FGD3: variants seen among roughly 807,000 people sequenced by gnomAD.
FGD3 encodes FYVE, RhoGEF and PH domain containing 3.
Under a neutral mutation model 71.8 loss-of-function variants are expected in FGD3, and 45 were observed. The ratio of observed to expected loss-of-function variants is 0.63; its 90% CI spans 0.49 to 0.80. The LOEUF is 0.80. FGD3 is among the 30% of genes least tolerant of loss of function. The pLI is 0.00. For synonymous variants in FGD3, 378 were observed against 392.8 expected (o/e 0.96, Z 0.44); for missense variants, 844 against 951.5 (o/e 0.89, Z 1.49).
rs1439602256 is a variant in FGD3 at position 92,958,749 on chromosome 9, A to T, written c.-218+11020A>T. Among the ~76,000 whole-genome samples the T allele has an allele frequency of 2.0e-5, 3 of 152,338 alleles. No homozygotes were observed. The East Asian group carries it at 5.8e-4, about 29-fold the overall frequency. Reference sequence around the variant, plus strand: ...CTAGCTATTTTCTGTGTATAGTGTGAGTAAGCAGTCAAGGTTTGTATTTTG... The same window carrying T: ...CTAGCTATTTTCTGTGTATAGTGTGTGTAAGCAGTCAAGGTTTGTATTTTG... On this transcript the variant is annotated intron_variant, in intron 1 of 17. Coordinates refer to ENST00000375482, the MANE Select transcript of FGD3 (RefSeq NM_001083536.2).
chr9:93,004,613 A>T (rs1173945196), intron 5 of FGD3, among the ~76,000 whole-genome samples: 2 of 152,172 alleles, frequency 1.3e-5, no homozygotes, highest in Non-Finnish European at 2.9e-5. Flanking sequence ...AGCTCAGTGC[A>T]AGTCACAATT....
At chr9:92,993,696 A>G (rs12340110) in intron 3 of FGD3, among the ~76,000 whole-genome samples, 2,410 of 152,146 alleles carry the variant, frequency 0.016, 65 homozygotes, top group African/African-American at 0.055. Flanking sequence ...ATTCCCATCT[A>G]TGAGTGAGAA....
intron 3 of FGD3, among the ~76,000 whole-genome samples, chr9:92,997,604 G>T (rs1860697142): frequency 6.6e-6 from 1 of 152,142 alleles, no homozygotes; most frequent in South Asian, 2.1e-4. Flanking sequence ...TTTTGCAGTG[G>T]CTGGTACCGG....
chr9:92,971,947 C>T (rs1859552222), intron 1 of FGD3, among the ~76,000 whole-genome samples: 1 of 138,972 alleles, frequency 7.2e-6, no homozygotes, highest in South Asian at 2.4e-4. Context: ...GCCCCCTCCA[C>T]CCATCCACCC....
chr9:92,990,267 G>C (rs1050774311), intron 3 of FGD3, among the ~76,000 whole-genome samples: 1 of 152,058 alleles, frequency 6.6e-6, no homozygotes, highest in African/African-American at 2.4e-5. Context: ...GTGAGACCTT[G>C]TCTATACAAA....
chr9:93,021,844 G>A (rs1453710005), intron 13 of FGD3, among the ~76,000 whole-genome samples: 2 of 152,220 alleles, frequency 1.3e-5, no homozygotes, highest in African/African-American at 4.8e-5. Flanking sequence ...TCCTGGGACT[G>A]CCTTGAGTGG....
At chr9:92,966,277 C>T (rs1859321829) in intron 1 of FGD3, among the ~76,000 whole-genome samples, 1 of 152,144 alleles carries the variant, frequency 6.6e-6, no homozygotes, top group Non-Finnish European at 1.5e-5. Flanking sequence ...GGGGCAGCCA[C>T]ATCTGGGTCT....
chr9:93,015,329 G>A (rs922028627), intron 9 of FGD3, among the ~76,000 whole-genome samples: 3 of 152,032 alleles, frequency 2.0e-5, no homozygotes, highest in African/African-American at 4.8e-5. Context: ...GGTAGCACCC[G>A]CCTGTAATTC....
chr9:93,034,993 C>A (rs1369645442), intron 17 of FGD3, among the ~76,000 whole-genome samples: 1 of 152,172 alleles, frequency 6.6e-6, no homozygotes, highest in East Asian at 1.9e-4. Flanking sequence ...TGGCCCGGCC[C>A]CTTGGAGCCC....
chr9:92,982,259 T>C (rs888403782), intron 3 of FGD3, among the ~76,000 whole-genome samples: 28 of 152,266 alleles, frequency 1.8e-4, no homozygotes, highest in African/African-American at 6.5e-4. Context: ...GTTCCTGGCT[T>C]ATTTTGCTTA....
At chr9:92,964,812 C>T (rs1004663767) in intron 1 of FGD3, among the ~76,000 whole-genome samples, 2 of 152,162 alleles carry the variant, frequency 1.3e-5, no homozygotes, top group Admixed American at 1.3e-4. Context: ...CTCATGTCAC[C>T]CAGGCCTGGG....
In FGD3 at chr9:92,981,482, C is replaced by G. The variant is rs1386219665; in HGVS notation, c.453+4773C>G. On this transcript the variant is annotated intron_variant, in intron 3 of 17. Coordinates refer to ENST00000375482, the MANE Select transcript of FGD3 (RefSeq NM_001083536.2). ...ATATGGTCTATCCTGGAGAATGTTT[C>G]ATGTACACTTGAGAAGAACATATAT... Among the ~76,000 whole-genome samples the G allele has an allele frequency of 2.0e-5, 3 of 151,882 alleles. No individual in the cohort carries two copies. In the East Asian group the frequency reaches 5.8e-4, roughly 29 times the overall value.
chr9:93,006,302 T>G, intron 6 of FGD3, 122 bp downstream of exon 6: 1 of 1,132,354 alleles, frequency 8.8e-7, no homozygotes, highest in Non-Finnish European at 1.1e-6. Flanking sequence ...ATGACATTAC[T>G]AAAATTTTGG....
At chr9:92,983,604 A>G (rs1860080354) in intron 3 of FGD3, among the ~76,000 whole-genome samples, 2 of 152,220 alleles carry the variant, frequency 1.3e-5, no homozygotes, top group Admixed American at 1.3e-4. Flanking sequence ...GAAGTTTTGC[A>G]TAATTTTGGA....
chr9:93,011,229 T>C lies in FGD3; in HGVS notation c.992T>C (p.Ile331Thr), dbSNP rs1244243465. 1.1e-5 allele frequency: 17 copies of C among 1,614,020 alleles called. No homozygotes were observed. The highest frequency in any genetic ancestry group is 5.3e-5 in the African/African-American group (4 of 74,928). Residue 331 changes from isoleucine to threonine, a missense_variant, in exon 8 of 18, where the codon ATC becomes ACC. Physicochemically the swap from Ile to Thr is moderately conservative, Grantham distance 89 (BLOSUM62 -1). Transcript: ENST00000375482. Reference sequence around the variant, plus strand: ...CTTCCTGCAGGGTCCTTGGAGCTCATCTCCACAGCCGCCAACCACTCCAAT... The same window carrying C: ...CTTCCTGCAGGGTCCTTGGAGCTCACCTCCACAGCCGCCAACCACTCCAAT... ...RKDAERSLEL[I>T]STAANHSNAA... is the part of the protein sequence containing the mutation.
Position 93,010,796 on chromosome 9 carries a change from C to A in FGD3, c.976+412C>A, listed in dbSNP as rs1037532062. On this transcript the variant is annotated intron_variant, in intron 7 of 17. Coordinates refer to ENST00000375482, the MANE Select transcript of FGD3 (RefSeq NM_001083536.2). Reference sequence around the variant, plus strand: ...GGAAGGGACTTAGCATCTTTGAGGGCAGAGAAAAATCTCCCCTGCTTGAAG... The same window carrying A: ...GGAAGGGACTTAGCATCTTTGAGGGAAGAGAAAAATCTCCCCTGCTTGAAG... Among the ~76,000 whole-genome samples the A allele has an allele frequency of 1.2e-4, 18 of 151,984 alleles. 1 individual carries two copies. The highest frequency in any genetic ancestry group is 4.4e-4 in the African/African-American group (18 of 41,366).
chr9:92,970,792 C>T (rs572646670), intron 1 of FGD3, among the ~76,000 whole-genome samples: 10 of 152,218 alleles, frequency 6.6e-5, no homozygotes, highest in African/African-American at 2.2e-4. Context: ...TGCACATGTG[C>T]GTTTGTTTAT....
At chr9:92,972,792 G>T (rs1587820890) in intron 1 of FGD3, among the ~76,000 whole-genome samples, 1 of 152,078 alleles carries the variant, frequency 6.6e-6, no homozygotes, top group African/African-American at 2.4e-5. Context: ...GTGTGTGTGT[G>T]TGTGTTTCAT....
chr9:93,028,352 AAAGAAAG>A (rs1481048889), intron 14 of FGD3, among the ~76,000 whole-genome samples: 2 of 109,944 alleles, frequency 1.8e-5, no homozygotes, highest in African/African-American at 6.6e-5. Context: ...AAAAAAAAAA[AAAGAAAG>A]AAAAACACCT....
Sources: allele counts gnomAD v4.1 joint callset (sites outside exome capture counted in the v4.1 genomes callset), GRCh38; gene constraint gnomAD v4.1.1; transcripts MANE v1.5; gene names NCBI Gene and HGNC (gene_info 2026-07-23, HGNC 2026-07-21).